Variants in VCAN observed in about 807,000 individuals in gnomAD.
VCAN encodes versican.
VCAN carries 44 observed loss-of-function variants against 245.5 expected under a neutral mutation model. The observed-to-expected ratio is 0.18, with a 90% CI of 0.14 to 0.23. The LOEUF (loss-of-function observed/expected upper bound fraction) is 0.23. Ranked by LOEUF, VCAN falls within the 10% of genes least tolerant of loss-of-function variation. VCAN has a pLI of 1.00. For missense variants in VCAN, 3,793 were observed against 4,057.9 expected (o/e 0.93, Z 1.77); for synonymous variants, 1,413 against 1,437.0 (o/e 0.98, Z 0.38).
chr5:83,548,707 G>T (rs761062079), intron 10 of VCAN, among the ~76,000 whole-genome samples: 1 of 152,114 alleles, frequency 6.6e-6, no homozygotes. Context: ...GCATTTCTTG[G>T]TCCATCAATA....
At chr5:83,490,841 C>T (rs982542622) in intron 3 of VCAN, among the ~76,000 whole-genome samples, 3 of 152,172 alleles carry the variant, frequency 2.0e-5, no homozygotes, top group Non-Finnish European at 2.9e-5. Flanking sequence ...TGTGTGTATG[C>T]ACATGTACAT....
At position 83,580,448 on chromosome 5, in the gene VCAN, G is replaced by A; in HGVS notation, c.*14G>A. 4 of 1,613,456 alleles carry A rather than the reference G, an allele frequency of 2.5e-6. No homozygotes were observed. Among genetic ancestry groups the A allele is most frequent in the South Asian group, 2.2e-5 (2 of 90,964 alleles). On this transcript the variant is annotated 3_prime_UTR_variant, in exon 15 of 15. Coordinates refer to ENST00000265077, the MANE Select transcript of VCAN (RefSeq NM_004385.5). ...TCGAGGCGCTGATCCCTAAAATGGC[G>A]AACATGTGTTTTCATCATTTCAGCC...
chr5:83,471,937 T>A lies in VCAN; in HGVS notation c.-93T>A. ...TCCTTCCCCGGGCCACCACGCTTCC[T>A]ATGTGACCCGCCTGGGCAACGCCGA... On this transcript the variant is annotated 5_prime_UTR_variant, in exon 1 of 15. Coordinates refer to ENST00000265077, the MANE Select transcript of VCAN (RefSeq NM_004385.5). The A allele has an allele frequency of 2.5e-6, 1 of 392,492 alleles. No individual in the cohort carries two copies. The allele number at this position is 392,492 out of a possible 1,614,324, so 24.3% of individuals were successfully genotyped here.
chr5:83,539,373 A>G lies in VCAN; in HGVS notation c.6370A>G (p.Lys2124Glu). 6.2e-7 allele frequency: 1 copy of G among 1,614,088 alleles called. No individual in the cohort carries two copies. Among genetic ancestry groups the G allele is most frequent in the Non-Finnish European group, 8.5e-7 (1 of 1,179,990 alleles). Residue 2124 changes from lysine to glutamate, a missense_variant, in exon 8 of 15, where the codon AAG (lysine) becomes GAG (glutamate). Transcript: ENST00000265077. ...ATCAGAGGAACAAATTCAAGAAGAAAAGTCATTTGAATCCCCTCAAAACTC... is the reference window on the plus strand; with the variant it reads ...ATCAGAGGAACAAATTCAAGAAGAAGAGTCATTTGAATCCCCTCAAAACTC... ...TTSEEQIQEE[K>E]SFESPQNSPA...
At chr5:83,512,610 A>G in intron 6 of VCAN, 1 of 586,292 alleles carries the variant, frequency 1.7e-6, no homozygotes, top group Non-Finnish European at 3.0e-6. Flanking sequence ...TAGAGGGGTG[A>G]GGAAATATCA....
At chr5:83,560,878 C>A (rs1747840219) in intron 12 of VCAN, among the ~76,000 whole-genome samples, 1 of 152,082 alleles carries the variant, frequency 6.6e-6, no homozygotes, top group Non-Finnish European at 1.5e-5. Flanking sequence ...CTGACCCTTC[C>A]CCACTGGACA....
Position 83,537,592 on chromosome 5 carries a change from G to T in VCAN, c.4589G>T (p.Gly1530Val). 1 of 1,613,804 alleles carries T rather than the reference G, an allele frequency of 6.2e-7. No homozygotes were observed. Among genetic ancestry groups the T allele is most frequent in the Non-Finnish European group, 8.5e-7 (1 of 1,179,910 alleles). Reference sequence around the variant, plus strand: ...GTCACAGAGAGAGATACTGAAGTTGGTCATCAGGCACATGAACATACTGAA... The same window carrying T: ...GTCACAGAGAGAGATACTGAAGTTGTTCATCAGGCACATGAACATACTGAA... ...ESVTERDTEV[G>V]HQAHEHTEPV... is the part of the protein sequence containing the mutation. Residue 1530 changes from glycine to valine, a missense_variant, in exon 8 of 15, where the codon GGT (glycine) becomes GTT (valine). Gly to Val is a moderately radical substitution (Grantham distance 109). Transcript: ENST00000265077.
intron 13 of VCAN, among the ~76,000 whole-genome samples, chr5:83,579,253 G>GTTTGT (rs145032657): frequency 8.7e-5 from 13 of 149,098 alleles, no homozygotes; most frequent in Admixed American, 2.7e-4. Context: ...TTGTTTGTTT[G>GTTTGT]TTTGTTTTGT....
At position 83,542,136 on chromosome 5, in the gene VCAN, A is replaced by G. The variant is rs753158938; in HGVS notation, c.9133A>G (p.Thr3045Ala). ...AATTCTTGATTCCAATGATCAGGCA[A>G]CAGTAAACCCTGTGGAATTTAATAC... is the stretch of plus-strand genomic sequence containing the variant. ...ARILDSNDQA[T>A]VNPVEFNTEV... Residue 3045 changes from threonine (T) to alanine (A), a missense_variant, in exon 8 of 15, where the codon ACA (threonine) becomes GCA (alanine). This residue lies in a region of VCAN where 3,182 missense variants were observed against 3,250.3 expected (regional missense o/e 0.98). Coordinates refer to ENST00000265077, the MANE Select transcript of VCAN (RefSeq NM_004385.5). 1 of 1,614,108 alleles carries G rather than the reference A, an allele frequency of 6.2e-7. No individual in the cohort carries two copies.
Position 83,572,454 on chromosome 5 carries a change from C to T in VCAN, c.9774C>T (p.Phe3258=). 6.2e-7 allele frequency: 1 copy of T among 1,613,988 alleles called. No homozygotes were observed. Among genetic ancestry groups the T allele is most frequent in the Middle Eastern group, 1.7e-4 (1 of 6,060 alleles). Residue 3258 remains phenylalanine, a synonymous_variant, in exon 13 of 15, where the codon TTC becomes TTT. Transcript: ENST00000265077. ...GGAGACCCAACCAGCCAGACAGCTTCTTTTCTGCTGGAGAAGACTGTGTTG... is the reference window on the plus strand; with the variant it reads ...GGAGACCCAACCAGCCAGACAGCTTTTTTTCTGCTGGAGAAGACTGTGTTG... ...ENWRPNQPDS[F]FSAGEDCVVI...
rs1409484279 is a variant in VCAN at position 83,541,869 on chromosome 5, G to T, written c.8866G>T (p.Ala2956Ser). The T allele has an allele frequency of 1.2e-6, 2 of 1,614,044 alleles. No individual in the cohort carries two copies. The highest frequency in any genetic ancestry group is 2.2e-5 in the South Asian group (2 of 91,086). The change falls in exon 8 of 15, where the codon GCT becomes TCT. Residue 2956 changes from alanine to serine, a missense_variant. By Grantham distance (99) the Ala-to-Ser change is moderately conservative. This residue lies in a region of VCAN where 3,182 missense variants were observed against 3,250.3 expected (regional missense o/e 0.98). Coordinates refer to ENST00000265077, the MANE Select transcript of VCAN (RefSeq NM_004385.5). ...GTTTCCCACCATTAAAACACCTGAG[G>T]CTGGAACTGTTATTACAACTGCCGA... is the stretch of plus-strand genomic sequence containing the variant. ...KMFPTIKTPE[A>S]GTVITTADEI...
chr5:83,549,019 T>C lies in VCAN; in HGVS notation c.9493+935T>C, dbSNP rs116781480. Among the ~76,000 whole-genome samples the C allele has an allele frequency of 7.7e-3, 1,168 of 152,258 alleles. 4 individuals are homozygous for C. The highest frequency in any genetic ancestry group is 0.014 in the Non-Finnish European group (937 of 68,006). ...TTGGTTTTTTTCTTTTTTTATTGCA[T>C]AGGGTAAATCTGTTTGTTTTAGATT... On this transcript the variant is annotated intron_variant, in intron 10 of 14. Transcript: ENST00000265077.
rs1294995380 is a variant in VCAN at position 83,522,310 on chromosome 5, G to T, written c.4003+1G>T. 1 of 1,598,136 alleles carries T rather than the reference G, an allele frequency of 6.3e-7. No homozygotes were observed. The highest frequency in any genetic ancestry group is 8.5e-7 in the Non-Finnish European group (1 of 1,179,754). On this transcript the variant is annotated splice_donor_variant, in intron 7 of 14. Coordinates refer to ENST00000265077, the MANE Select transcript of VCAN (RefSeq NM_004385.5). LOFTEE classifies it high-confidence loss of function. ...ATTGAGGTCAGAGAAAATAAGACAGGTAAGTCTTTGCTTTCTAGACTAGCA... is the reference window on the plus strand; with the variant it reads ...ATTGAGGTCAGAGAAAATAAGACAGTTAAGTCTTTGCTTTCTAGACTAGCA...
chr5:83,508,817 A>G (rs1745558623), intron 5 of VCAN, among the ~76,000 whole-genome samples: 1 of 152,210 alleles, frequency 6.6e-6, no homozygotes, highest in African/African-American at 2.4e-5. Context: ...TGTTTTATAA[A>G]AATTTTATTT....
At chr5:83,489,811 CTT>C (rs11389823) in intron 2 of VCAN, among the ~76,000 whole-genome samples, 2,021 of 147,174 alleles carry the variant, frequency 0.014, 34 homozygotes, top group African/African-American at 0.038. Flanking sequence ...TTATGCTTGC[CTT>C]TTTTTTTTTT....
chr5:83,540,454 C>T lies in VCAN; in HGVS notation c.7451C>T (p.Thr2484Ile). 1 of 1,613,996 alleles carries T rather than the reference C, an allele frequency of 6.2e-7. No homozygotes were observed. Among genetic ancestry groups the T allele is most frequent in the South Asian group, 1.1e-5 (1 of 91,078 alleles). Residue 2484 changes from threonine to isoleucine, a missense_variant, in exon 8 of 15, where the codon ACA becomes ATA. Coordinates refer to ENST00000265077, the MANE Select transcript of VCAN (RefSeq NM_004385.5). ...AKAVTADGFP[T>I]VSVMLPLHSE... ...GCTGTTACTGCTGATGGATTCCCAA[C>T]AGTTTCAGTGATGCTGCCTCTTCAT...
At chr5:83,572,958 T>C (rs775831916) in intron 13 of VCAN, among the ~76,000 whole-genome samples, 8 of 151,676 alleles carry the variant, frequency 5.3e-5, no homozygotes, top group Non-Finnish European at 1.2e-4. Context: ...TGGACTACAG[T>C]GGTGTGATCT....
intron 12 of VCAN, among the ~76,000 whole-genome samples, chr5:83,555,821 CAG>C (rs923902286): frequency 2.0e-5 from 3 of 152,164 alleles, no homozygotes; most frequent in African/African-American, 4.8e-5. Context: ...TGTATTTTCT[CAG>C]TGTTCCACAG....
intron 7 of VCAN, chr5:83,531,547 C>A (rs999319535): frequency 2.0e-5 from 3 of 152,048 alleles, no homozygotes; most frequent in Non-Finnish European, 4.4e-5. Context: ...AAAACAAAAT[C>A]TTTTTGTTAC....
Sources: allele counts gnomAD v4.1 joint callset (sites outside exome capture counted in the v4.1 genomes callset), GRCh38; gene constraint gnomAD v4.1.1; regional missense constraint gnomAD v4.1.1; transcripts MANE v1.5; gene names NCBI Gene and HGNC (gene_info 2026-07-23, HGNC 2026-07-21).